The following SARDH variants were observed in gnomAD, a reference collection of about 807,000 sequenced individuals.
The protein encoded by SARDH is sarcosine dehydrogenase.
SARDH carries 95 observed loss-of-function variants against 109.1 expected under a neutral mutation model. The ratio of observed to expected loss-of-function variants is 0.87; its 90% CI spans 0.74 to 1.03. SARDH has a LOEUF of 1.03. Among genes scored for constraint, SARDH ranks in the 50% least tolerant of loss-of-function variants. The pLI is 0.00. For missense variants in SARDH, 1,267 were observed against 1,287.8 expected (o/e 0.98, Z 0.25); for synonymous variants, 572 against 534.8 (o/e 1.07, Z -0.96).
At chr9:133,723,677 G>A (rs949461140) in intron 6 of SARDH, among the ~76,000 whole-genome samples, 5 of 152,114 alleles carry the variant, frequency 3.3e-5, no homozygotes, top group African/African-American at 1.2e-4. Flanking sequence ...GCAGGAGAAT[G>A]GCATGAACCC....
intron 15 of SARDH, among the ~76,000 whole-genome samples, chr9:133,690,911 C>T (rs1254406536): frequency 1.3e-5 from 2 of 152,132 alleles, no homozygotes; most frequent in Non-Finnish European, 2.9e-5. Flanking sequence ...ATTTTCTCAT[C>T]TGTAAAAGGG....
chr9:133,700,588 A>T (rs940927701), intron 13 of SARDH, among the ~76,000 whole-genome samples: 34 of 152,310 alleles, frequency 2.2e-4, no homozygotes, highest in Admixed American at 7.8e-4. Flanking sequence ...AGATGAAAAC[A>T]TTCTAAAACT....
At chr9:133,669,326 T>C (rs1588375462) in intron 19 of SARDH, among the ~76,000 whole-genome samples, 1 of 67,510 alleles carries the variant, frequency 1.5e-5, no homozygotes. Flanking sequence ...TCACCCTCCC[T>C]CTCCCTCGTC....
At chr9:133,720,635 T>C (rs1196961539) in intron 6 of SARDH, among the ~76,000 whole-genome samples, 1 of 146,410 alleles carries the variant, frequency 6.8e-6, no homozygotes, top group Non-Finnish European at 1.5e-5. Context: ...ATGTCTTACA[T>C]GGCAGCAGGA....
chr9:133,738,988 G>GA (rs1170249228), upstream of SARDH, among the ~76,000 whole-genome samples: 3 of 152,220 alleles, frequency 2.0e-5, no homozygotes, highest in Non-Finnish European at 4.4e-5. Flanking sequence ...AGCCTCCATT[G>GA]ACTGTTGGGG....
intron 17 of SARDH, among the ~76,000 whole-genome samples, chr9:133,682,311 G>A (rs930593427): frequency 6.6e-6 from 1 of 152,208 alleles, no homozygotes; most frequent in Admixed American, 6.5e-5. Context: ...AAAGCAGTGT[G>A]TACAGACTGC....
chr9:133,698,009 T>TAAAAAAAAAAA (rs371381068), intron 13 of SARDH, among the ~76,000 whole-genome samples: 2 of 95,710 alleles, frequency 2.1e-5, no homozygotes, highest in African/African-American at 4.0e-5. Context: ...AGGAATCCAC[T>TAAAAAAAAAAA]AAAAAAAAAA....
At chr9:133,733,724 C>T (rs888019744) in intron 2 of SARDH, 119 bp downstream of exon 2, 3 of 1,040,092 alleles carry the variant, frequency 2.9e-6, no homozygotes, top group Non-Finnish European at 2.6e-6. Flanking sequence ...TGCACCCTTC[C>T]CCAGGGTCTC....
intron 8 of SARDH, 145 bp downstream of exon 8, chr9:133,717,181 C>T: frequency 5.0e-6 from 5 of 1,005,574 alleles, no homozygotes; most frequent in Non-Finnish European, 7.4e-6. Context: ...GTACCCAGGG[C>T]TGCTGGAGCC....
intron 10 of SARDH, among the ~76,000 whole-genome samples, chr9:133,711,391 T>A (rs1490877872): frequency 6.6e-6 from 1 of 152,198 alleles, no homozygotes; most frequent in Non-Finnish European, 1.5e-5. Flanking sequence ...GCAAGTCACC[T>A]CCATTTTGCT....
At chr9:133,685,673 C>T (rs957077034) in intron 16 of SARDH, among the ~76,000 whole-genome samples, 1 of 152,212 alleles carries the variant, frequency 6.6e-6, no homozygotes, top group South Asian at 2.1e-4. Context: ...ATCCCCAGGC[C>T]TCTCCAGGTT....
At chr9:133,703,338 C>T (rs1355069089) in intron 12 of SARDH, 3 of 417,998 alleles carry the variant, frequency 7.2e-6, no homozygotes, top group Non-Finnish European at 8.9e-6. Flanking sequence ...TACCCAGGAC[C>T]TCAGCCAGGG....
chr9:133,732,332 C>T, intron 3 of SARDH, 91 bp downstream of exon 3: 1 of 1,053,606 alleles, frequency 9.5e-7, no homozygotes, highest in Non-Finnish European at 1.3e-6. Flanking sequence ...CCCTACCCCC[C>T]CACAGGGGGT....
At position 133,712,755 on chromosome 9, in the gene SARDH, C is replaced by A; in HGVS notation, c.1238-46G>T. ...GGGCTGCGGTCTGCCCCCCAGGGTC[C>A]CCCACCCATGTCCAAACATGTGCCC... is the stretch of plus-strand genomic sequence containing the variant. On this transcript the variant is annotated intron_variant, in intron 9 of 20. Transcript: ENST00000439388. This position sits in a 1 kb window ranked among gnomAD's most constrained non-coding sequence, Gnocchi z 4.1. 2.6e-6 allele frequency: 4 copies of A among 1,564,756 alleles called. No homozygotes were observed. In the South Asian group the frequency reaches 4.4e-5, roughly 17 times the overall value.
chr9:133,708,661 G>A (rs56139637), intron 10 of SARDH, among the ~76,000 whole-genome samples: 5,864 of 152,212 alleles, frequency 0.039, 400 homozygotes, highest in African/African-American at 0.13. Context: ...TGTGGACAGA[G>A]GGCCCAGCTG....
intron 6 of SARDH, among the ~76,000 whole-genome samples, chr9:133,720,559 ACTCACAGTTCCACATGGCTGGGGAGGC>A (rs1832288337): frequency 6.6e-6 from 1 of 152,232 alleles, no homozygotes; most frequent in African/African-American, 2.4e-5. Context: ...GGTTTAATGG[ACTCACAGTTCCACATGGCTGGGGAGGC>A]CTCACAATCA....
At position 133,730,121 on chromosome 9, in the gene SARDH, C is replaced by T. The variant is rs1832625151; in HGVS notation, c.757G>A (p.Ala253Thr). The change falls in exon 5 of 21, where the codon GCG becomes ACG. Residue 253 changes from alanine to threonine, a missense_variant. Ala to Thr is a moderately conservative substitution (Grantham distance 58, BLOSUM62 0). Transcript: ENST00000439388. ...GAACCATGCTGAGTCTCCACACCCG[C>T]GACCCGCCGCACCCCAAAATCATCC... ...WTDDFGVRRVAGVETQHGSIQ... is the reference protein window; with the variant it reads ...WTDDFGVRRVTGVETQHGSIQ... The T allele has an allele frequency of 1.9e-6, 3 of 1,614,202 alleles. No individual in the cohort carries two copies. Among genetic ancestry groups the T allele is most frequent in the Non-Finnish European group, 2.5e-6 (3 of 1,180,026 alleles).
chr9:133,726,260 C>T (rs1470862626), intron 6 of SARDH, among the ~76,000 whole-genome samples: 1 of 150,362 alleles, frequency 6.7e-6, no homozygotes, highest in African/African-American at 2.5e-5. Context: ...CCCAGCTACT[C>T]GGGAGGTGGA....
At chr9:133,727,878 G>A (rs931801093) in intron 6 of SARDH, among the ~76,000 whole-genome samples, 1 of 152,150 alleles carries the variant, frequency 6.6e-6, no homozygotes, top group Non-Finnish European at 1.5e-5. Context: ...GGCAGGCCTT[G>A]GGAGGAATTA....
Sources: allele counts gnomAD v4.1 joint callset (sites outside exome capture counted in the v4.1 genomes callset), GRCh38; gene constraint gnomAD v4.1.1; non-coding constraint Gnocchi (gnomAD v3.1); transcripts MANE v1.5; gene names NCBI Gene and HGNC (gene_info 2026-07-23, HGNC 2026-07-21).